Variants in SLC29A1 observed in about 807,000 individuals in gnomAD.
SLC29A1 encodes the protein equilibrative nucleoside transporter 1.
Under a neutral mutation model 48.3 loss-of-function variants are expected in SLC29A1, and 22 were observed. The observed-to-expected ratio is 0.46, with a 90% CI of 0.33 to 0.65. The LOEUF (loss-of-function observed/expected upper bound fraction) is 0.65, where lower values mean the gene tolerates loss of function less well. SLC29A1 is among the 30% of genes least tolerant of loss of function. SLC29A1 has a pLI of 0.03. For missense variants in SLC29A1, 491 were observed against 575.3 expected (o/e 0.85, Z 1.50); for synonymous variants, 228 against 231.0 (o/e 0.99, Z 0.12).
intron 5 of SLC29A1, 100 bp downstream of exon 5, chr6:44,230,146 C>G: frequency 6.5e-7 from 1 of 1,534,470 alleles, no homozygotes; most frequent in Non-Finnish European, 8.9e-7. Context: ...CCAGCCTCCG[C>G]CTGGAGGGAG....
At chr6:44,219,809 G>A (rs1776111131), upstream of SLC29A1, 2 of 1,199,944 alleles carry the variant, frequency 1.7e-6, no homozygotes, top group Non-Finnish European at 2.2e-6. Context: ...CGGGGGGCCT[G>A]GCGGGGCGGG....
intron 1 of SLC29A1, among the ~76,000 whole-genome samples, chr6:44,225,206 T>C (rs925171782): frequency 6.6e-6 from 1 of 151,958 alleles, no homozygotes; most frequent in Admixed American, 6.6e-5. Context: ...TACTACCTAA[T>C]AGAAAACCTG....
At chr6:44,219,667 T>C (rs771032976), upstream of SLC29A1, 25 of 1,276,144 alleles carry the variant, frequency 2.0e-5, no homozygotes, top group South Asian at 2.7e-4. Context: ...GGCTGCGCTC[T>C]CCAGCTGTGG....
upstream of SLC29A1, among the ~76,000 whole-genome samples, chr6:44,220,032 G>C (rs952374614): frequency 6.6e-6 from 1 of 152,176 alleles, no homozygotes; most frequent in Non-Finnish European, 1.5e-5. Context: ...CATAGGGTAG[G>C]GGGAAGAGGT....
At position 44,231,388 on chromosome 6, in the gene SLC29A1, A is replaced by T; in HGVS notation, c.791A>T (p.Glu264Val). Residue 264 changes from glutamate (E) to valine (V), a missense_variant, in exon 9 of 13, where the codon GAG becomes GTG. Physicochemically the swap from Glu to Val is moderately radical, Grantham distance 121. Coordinates refer to ENST00000371755, the MANE Select transcript of SLC29A1 (RefSeq NM_001372327.1). ...GGAGAGGAGCCAAGAGCAGGCAAAG[A>T]GGAATCTGGAGTTTCAGTCTCCAAC... ...SKGEEPRAGKEESGVSVSNSQ... is the reference protein window; with the variant it reads ...SKGEEPRAGKVESGVSVSNSQ... The T allele has an allele frequency of 6.2e-7, 1 of 1,602,550 alleles. No individual in the cohort carries two copies. The highest frequency in any genetic ancestry group is 1.1e-5 in the South Asian group (1 of 89,538).
Position 44,229,263 on chromosome 6 carries a change from A to G in SLC29A1, c.30-127A>G, listed in dbSNP as rs1778289862. 2.6e-6 allele frequency: 2 copies of G among 773,302 alleles called. No individual in the cohort carries two copies. 47.9% of individuals were successfully genotyped at this position (773,302 alleles called of 1,614,324 possible). A position where few individuals can be genotyped will look rare whatever the true frequency, so the allele number is the denominator to read the frequency against. On this transcript the variant is annotated intron_variant, in intron 2 of 12. Transcript: ENST00000371755. This position sits in a 1 kb window ranked among gnomAD's most constrained non-coding sequence, Gnocchi z 5.1. Reference sequence around the variant, plus strand: ...CATAAGAGGACACATGCAAACGGACACAAACACAGACGCCCTGTGCCCTGG... The same window carrying G: ...CATAAGAGGACACATGCAAACGGACGCAAACACAGACGCCCTGTGCCCTGG...
intron 1 of SLC29A1, chr6:44,224,021 G>A (rs949712331): frequency 6.0e-6 from 5 of 837,000 alleles, no homozygotes; most frequent in Admixed American, 6.2e-5. Context: ...TGGGGATGGG[G>A]ATGGAGGCTC....
chr6:44,233,225 T>C (rs1472214659), intron 12 of SLC29A1, among the ~76,000 whole-genome samples, 192 bp from the exon 13 acceptor site: 1 of 151,010 alleles, frequency 6.6e-6, no homozygotes, highest in Non-Finnish European at 1.5e-5. Context: ...CAGGAAGGAG[T>C]GAAAGACAAC....
At chr6:44,227,032 G>A in intron 1 of SLC29A1, 1 of 1,300,616 alleles carries the variant, frequency 7.7e-7, no homozygotes, top group Non-Finnish European at 9.8e-7. Context: ...GGCCAGGCCG[G>A]GAGCCAGGTA....
chr6:44,223,673 G>A lies in SLC29A1; in HGVS notation c.-52+32G>A. On this transcript the variant is annotated intron_variant, in intron 1 of 12. Coordinates refer to ENST00000371755, the MANE Select transcript of SLC29A1 (RefSeq NM_001372327.1). The surrounding 1 kb of genome is among the most constrained non-coding windows in gnomAD (Gnocchi z 5.0). ...CCCGGGGCCGGGGACTGGGGACTGG[G>A]GACTGCCGGGGCGGAAGACGCCGCT... 1 of 1,156,350 alleles carries A rather than the reference G, an allele frequency of 8.6e-7. No homozygotes were observed. Among genetic ancestry groups the A allele is most frequent in the Non-Finnish European group, 1.1e-6 (1 of 918,986 alleles). The allele number at this position is 1,156,350 out of a possible 1,614,324, so 71.6% of individuals were successfully genotyped here.
intron 8 of SLC29A1, 113 bp downstream of exon 8, chr6:44,231,002 G>T: frequency 2.4e-6 from 2 of 838,914 alleles, no homozygotes; most frequent in South Asian, 1.4e-5. Context: ...CTGAGCCAGA[G>T]GAGGACTGAA....
chr6:44,233,041 G>T (rs924856015), intron 12 of SLC29A1, 35 bp downstream of exon 12: 14 of 1,598,680 alleles, frequency 8.8e-6, no homozygotes, highest in Non-Finnish European at 1.0e-5. Context: ...GGTGGCATCA[G>T]ACAGGATCTA....
At chr6:44,227,040 G>A (rs903326425) in intron 1 of SLC29A1, 1 of 1,326,270 alleles carries the variant, frequency 7.5e-7, no homozygotes, top group South Asian at 1.8e-5. Flanking sequence ...CGGGAGCCAG[G>A]TAGAGTCTGA....
intron 1 of SLC29A1, 53 bp from the exon 2 acceptor site, chr6:44,227,210 G>A: frequency 1.3e-6 from 2 of 1,556,008 alleles, no homozygotes; most frequent in Non-Finnish European, 1.8e-6. Context: ...AGAGCCTGAG[G>A]AGGCCTATGG....
Position 44,233,403 on chromosome 6 carries a change from C to T in SLC29A1, c.1260-14C>T. ...GCCATTCTGAGGTAGCCTTGCCCTT[C>T]CTTCCCCGCTTAGGAAAGTGAAGCC... On this transcript the variant is annotated splice_polypyrimidine_tract_variant and intron_variant, in intron 12 of 12. Transcript: ENST00000371755. 1 of 1,607,754 alleles carries T rather than the reference C, an allele frequency of 6.2e-7. No individual in the cohort carries two copies. The highest frequency in any genetic ancestry group is 1.1e-5 in the South Asian group (1 of 90,976).
intron 1 of SLC29A1, chr6:44,226,846 C>A (rs1048960360): frequency 9.8e-7 from 1 of 1,022,438 alleles, no homozygotes; most frequent in African/African-American, 1.7e-5. Flanking sequence ...CTCCATTTGT[C>A]TCCCTCCTTC....
At position 44,230,743 on chromosome 6, in the gene SLC29A1, C is replaced by T; in HGVS notation, c.688-68C>T. The T allele has an allele frequency of 8.9e-6, 14 of 1,579,434 alleles. No individual in the cohort carries two copies. The South Asian group carries it at 1.5e-4, about 17-fold the overall frequency. ...ACCACGGGTGTTCTGAGGACAAAAC[C>T]TGAAGGAGGCCGGGATTCTGGAGAT... On this transcript the variant is annotated intron_variant, in intron 7 of 12. Coordinates refer to ENST00000371755, the MANE Select transcript of SLC29A1 (RefSeq NM_001372327.1).
At chr6:44,226,858 CT>C (rs1218890358) in intron 1 of SLC29A1, 239 of 1,026,488 alleles carry the variant, frequency 2.3e-4, no homozygotes, top group Middle Eastern at 1.5e-3. Flanking sequence ...CCCTCCTTCC[CT>C]TGTCATCACT....
chr6:44,221,647 TGGCAAGGCCTGGCTAGAAAAACTCCA>T, upstream of SLC29A1: 3 of 1,289,664 alleles, frequency 2.3e-6, no homozygotes, highest in Non-Finnish European at 3.0e-6. The surrounding 1 kb of genome is among the most constrained non-coding windows in gnomAD (Gnocchi z 4.2). Context: ...TGAAGAGAGC[TGGCAAGGCCTGGCTAGAAAAACTCCA>T]GGCAAGGCCT....
Sources: gnomAD v4.1 joint callset for allele counts (sites outside exome capture counted in the v4.1 genomes callset) on GRCh38, gnomAD v4.1.1 for gene constraint, Gnocchi (gnomAD v3.1) non-coding constraint, MANE v1.5 for transcripts, NCBI Gene and HGNC (gene_info 2026-07-23, HGNC 2026-07-21) for gene names.